The following ATP2B2 variants were observed in gnomAD, a reference collection of about 807,000 sequenced individuals.
ATP2B2 encodes ATPase plasma membrane Ca2+ transporting 2, also known as plasma membrane calcium-transporting ATPase 2.
Under a neutral mutation model 120.0 loss-of-function variants are expected in ATP2B2, and 15 were observed. The observed-to-expected ratio is 0.12, with a 90% CI of 0.08 to 0.19. The LOEUF (loss-of-function observed/expected upper bound fraction) is 0.19, where lower values mean the gene tolerates loss of function less well. Among genes scored for constraint, ATP2B2 ranks in the 10% least tolerant of loss-of-function variants. The probability of loss-of-function intolerance (pLI) is 1.00; values close to 1 mark genes in which losing one functional copy is unlikely to be tolerated. For missense variants in ATP2B2, 1,045 were observed against 1,719.8 expected (o/e 0.61, Z 6.94); for synonymous variants, 694 against 700.3 (o/e 0.99, Z 0.14).
intron 2 of ATP2B2, among the ~76,000 whole-genome samples, chr3:10,588,585 G>A (rs1193153356): frequency 6.6e-6 from 1 of 152,142 alleles, no homozygotes; most frequent in African/African-American, 2.4e-5. Context: ...GCATCATCCA[G>A]CCTGACTCCA....
Position 10,329,809 on chromosome 3 carries a change from G to A in ATP2B2, c.3421-684C>T, listed in dbSNP as rs1011179722. Among the ~76,000 whole-genome samples the A allele has an allele frequency of 2.6e-5, 4 of 152,180 alleles. No homozygotes were observed. The highest frequency in any genetic ancestry group is 4.4e-5 in the Non-Finnish European group (3 of 68,034). ...GGGAGCTGGCGGACAGATGACATTC[G>A]GGGGCGGGCTGCATGCCACGGGGAG... is the stretch of plus-strand genomic sequence containing the variant. On this transcript the variant is annotated intron_variant, in intron 22 of 22. Transcript: ENST00000360273. This position sits in a 1 kb window ranked among gnomAD's most constrained non-coding sequence, Gnocchi z 5.9.
At chr3:10,706,034 C>G (rs757664961) in intron 1 of ATP2B2, among the ~76,000 whole-genome samples, 14 of 152,212 alleles carry the variant, frequency 9.2e-5, no homozygotes, top group Non-Finnish European at 1.5e-4. Flanking sequence ...ACAAATTTAT[C>G]AAATGAACAA....
chr3:10,638,001 G>A (rs2070069887), intron 1 of ATP2B2, among the ~76,000 whole-genome samples: 4 of 151,968 alleles, frequency 2.6e-5, no homozygotes, highest in Admixed American at 2.6e-4. Flanking sequence ...ATCTTTAGAT[G>A]AAAAGAAAAA....
chr3:10,381,614 G>A (rs2061532847), intron 8 of ATP2B2, among the ~76,000 whole-genome samples: 2 of 152,194 alleles, frequency 1.3e-5, no homozygotes, highest in African/African-American at 4.8e-5. Flanking sequence ...GGACTTATTT[G>A]GGGCTCTCCT....
At chr3:10,350,674 C>A in intron 14 of ATP2B2, 97 bp from the exon 15 acceptor site, 1 of 1,341,026 alleles carries the variant, frequency 7.5e-7, no homozygotes, top group Non-Finnish European at 1.0e-6. Flanking sequence ...ACAGGCAGCT[C>A]TACTGAAAGG....
chr3:10,348,749 C>T (rs2060496270), intron 16 of ATP2B2, among the ~76,000 whole-genome samples: 2 of 152,234 alleles, frequency 1.3e-5, no homozygotes, highest in Non-Finnish European at 2.9e-5. Context: ...AGCAGTGCAG[C>T]CTTTTGCTCT....
intron 2 of ATP2B2, among the ~76,000 whole-genome samples, chr3:10,431,014 T>A (rs2063298761): frequency 1.3e-5 from 2 of 151,774 alleles, no homozygotes; most frequent in Admixed American, 1.3e-4. Flanking sequence ...GGACTGGGAA[T>A]GTTAGGATAC....
intron 1 of ATP2B2, 49 bp downstream of exon 1, chr3:10,505,416 G>A (rs1490156814): frequency 2.0e-5 from 3 of 152,030 alleles, no homozygotes; most frequent in Non-Finnish European, 4.4e-5. Flanking sequence ...AGTGGAGTGG[G>A]GCGCTTTTTA....
At chr3:10,338,899 A>T (rs563541710) in intron 21 of ATP2B2, 7 of 165,124 alleles carry the variant, frequency 4.2e-5, no homozygotes, top group African/African-American at 1.7e-4. Flanking sequence ...TGGACCCTGA[A>T]GGCAGCCAAT....
chr3:10,324,931 T>C lies in ATP2B2; in HGVS notation c.*3883A>G, dbSNP rs968604584. ...CTAGGAGAGACTCCTCTTTCTCGTCTGGACCAGGGACAGATGGCGGGTCCA... is the reference window on the plus strand; with the variant it reads ...CTAGGAGAGACTCCTCTTTCTCGTCCGGACCAGGGACAGATGGCGGGTCCA... On this transcript the variant is annotated 3_prime_UTR_variant, in exon 23 of 23. Coordinates refer to ENST00000360273, the MANE Select transcript of ATP2B2 (RefSeq NM_001001331.4). 6.6e-6 allele frequency: 1 copy of C among 152,252 alleles called. No homozygotes were observed. The highest frequency in any genetic ancestry group is 2.4e-5 in the African/African-American group (1 of 41,462). The allele number at this position is 152,252 out of a possible 1,614,324, so 9.4% of individuals were successfully genotyped here.
At chr3:10,345,252 G>T (rs1441954159) in intron 18 of ATP2B2, 132 bp downstream of exon 18, 3 of 1,018,324 alleles carry the variant, frequency 2.9e-6, no homozygotes, top group Non-Finnish European at 4.3e-6. Context: ...GCCCCCAGCA[G>T]GTGCTCCATC....
At chr3:10,672,838 G>A (rs1042222596) in intron 1 of ATP2B2, among the ~76,000 whole-genome samples, 1 of 152,202 alleles carries the variant, frequency 6.6e-6, no homozygotes, top group Non-Finnish European at 1.5e-5. Flanking sequence ...TCTAACAACA[G>A]AGGAATCTTT....
At chr3:10,644,984 G>C (rs1181070351) in intron 1 of ATP2B2, among the ~76,000 whole-genome samples, 1 of 152,160 alleles carries the variant, frequency 6.6e-6, no homozygotes, top group South Asian at 2.1e-4. Context: ...TTATATAAGA[G>C]AATTCTCTCT....
In ATP2B2 at chr3:10,402,969, A is replaced by C. The variant is rs1029692590; in HGVS notation, c.398-621T>G. 1.4e-5 allele frequency among the ~76,000 whole-genome samples: 2 copies of C among 147,440 alleles called. No homozygotes were observed. The highest frequency in any genetic ancestry group is 5.4e-5 in the African/African-American group (2 of 36,904). The stretch of plus-strand genomic sequence containing the variant: ...CCAGAACAAAGGCAGCCAATATTAC[A>C]CTTGCTTTAGGGTCTGAAAAGGCAG... On this transcript the variant is annotated intron_variant, in intron 3 of 22. Transcript: ENST00000360273. The surrounding 1 kb of genome is among the most constrained non-coding windows in gnomAD (Gnocchi z 4.9).
At chr3:10,456,278 T>G (rs1383743195) in intron 1 of ATP2B2, among the ~76,000 whole-genome samples, 1 of 152,274 alleles carries the variant, frequency 6.6e-6, no homozygotes, top group African/African-American at 2.4e-5. Flanking sequence ...CAAATTCTTC[T>G]GTTTTAAGAC....
chr3:10,580,196 T>C (rs2068356567), intron 2 of ATP2B2, among the ~76,000 whole-genome samples: 3 of 152,184 alleles, frequency 2.0e-5, no homozygotes, highest in South Asian at 4.1e-4. Context: ...TCCTGGTCAG[T>C]GTGACCCCAA....
At chr3:10,493,042 C>T (rs1303975020) in intron 1 of ATP2B2, among the ~76,000 whole-genome samples, 1 of 152,160 alleles carries the variant, frequency 6.6e-6, no homozygotes, top group East Asian at 1.9e-4. Flanking sequence ...TTCATTCATT[C>T]ATTCATTCCA....
intron 3 of ATP2B2, among the ~76,000 whole-genome samples, chr3:10,513,982 G>A (rs1163754420): frequency 2.0e-5 from 3 of 152,184 alleles, no homozygotes; most frequent in East Asian, 1.9e-4. Context: ...GCCCTGAGAC[G>A]GGGACATGAT....
intron 1 of ATP2B2, among the ~76,000 whole-genome samples, chr3:10,495,684 C>T (rs914745140): frequency 6.6e-6 from 1 of 152,180 alleles, no homozygotes; most frequent in African/African-American, 2.4e-5. Flanking sequence ...CTAGAAACAG[C>T]CCTGGGTCCC....
Sources: gnomAD v4.1 joint callset for allele counts (sites outside exome capture counted in the v4.1 genomes callset) on GRCh38, gnomAD v4.1.1 for gene constraint, Gnocchi (gnomAD v3.1) non-coding constraint, MANE v1.5 for transcripts, NCBI Gene and HGNC (gene_info 2026-07-23, HGNC 2026-07-21) for gene names.